EYS: variants seen among roughly 807,000 people sequenced by gnomAD.
The protein encoded by EYS is EGF-like photoreceptor maintenance factor.
In EYS, 250 loss-of-function variants were observed where a neutral mutation model predicts 282.1. That is an observed-to-expected ratio of 0.89 (90% confidence interval 0.80 to 0.98). The LOEUF (loss-of-function observed/expected upper bound fraction) is 0.98. Ranked by LOEUF, EYS falls within the 50% of genes least tolerant of loss-of-function variation. The probability of loss-of-function intolerance (pLI) is 0.00; values close to 1 mark genes in which losing one functional copy is unlikely to be tolerated. For synonymous variants in EYS, 1,355 were observed against 1,282.9 expected (o/e 1.06, Z -1.20); for missense variants, 4,016 against 3,709.0 (o/e 1.08, Z -2.15).
chr6:64,448,780 C>A (rs1043465066), intron 26 of EYS, among the ~76,000 whole-genome samples: 17 of 152,170 alleles, frequency 1.1e-4, no homozygotes, highest in African/African-American at 4.1e-4. Context: ...CTCCAACAGA[C>A]CTGCAGCTGA....
At chr6:64,626,396 G>T (rs1343914266) in intron 22 of EYS, among the ~76,000 whole-genome samples, 151 bp from the exon 23 acceptor site, 1 of 152,148 alleles carries the variant, frequency 6.6e-6, no homozygotes, top group African/African-American at 2.4e-5. Context: ...GAGTTGAATT[G>T]TGGCCCCAAA....
intron 33 of EYS, among the ~76,000 whole-genome samples, chr6:64,018,094 C>T (rs1387362643): frequency 3.3e-5 from 5 of 151,886 alleles, no homozygotes; most frequent in South Asian, 2.1e-4. Flanking sequence ...TGAGAAAAGA[C>T]GTGGAATACA....
At chr6:64,464,816 T>C (rs1041070406) in intron 26 of EYS, among the ~76,000 whole-genome samples, 1 of 152,034 alleles carries the variant, frequency 6.6e-6, no homozygotes, top group African/African-American at 2.4e-5. Flanking sequence ...ATATTTCATC[T>C]TGGTTCACAA....
At chr6:64,416,784 C>A (rs1774070736) in intron 28 of EYS, among the ~76,000 whole-genome samples, 1 of 152,094 alleles carries the variant, frequency 6.6e-6, no homozygotes, top group African/African-American at 2.4e-5. Flanking sequence ...AAATATTACT[C>A]AGCATAATAT....
chr6:63,759,745 T>C (rs894044950), intron 41 of EYS, among the ~76,000 whole-genome samples: 1 of 152,076 alleles, frequency 6.6e-6, no homozygotes, highest in African/African-American at 2.4e-5. Context: ...CAAATACACC[T>C]GAAAAACAAG....
chr6:65,301,320 C>T (rs1322117108), intron 11 of EYS, among the ~76,000 whole-genome samples: 3 of 152,174 alleles, frequency 2.0e-5, no homozygotes, highest in African/African-American at 7.2e-5. Flanking sequence ...ACGGTGAAAC[C>T]CCGTCTCTAC....
chr6:64,349,030 A>G (rs1250089706), intron 29 of EYS, among the ~76,000 whole-genome samples: 1 of 151,422 alleles, frequency 6.6e-6, no homozygotes, highest in East Asian at 2.0e-4. Flanking sequence ...TGAATACAGT[A>G]TTCCATGTCT....
At chr6:65,541,745 T>G (rs977831954) in intron 2 of EYS, among the ~76,000 whole-genome samples, 2 of 152,036 alleles carry the variant, frequency 1.3e-5, no homozygotes, top group African/African-American at 4.8e-5. Flanking sequence ...TGGTCAGATC[T>G]TGTATGCTGC....
chr6:64,525,830 A>G lies in EYS; in HGVS notation c.5644+64393T>C, dbSNP rs1025644400. 5.3e-5 allele frequency among the ~76,000 whole-genome samples: 8 copies of G among 151,788 alleles called. No homozygotes were observed. The East Asian group carries it at 1.5e-3, about 29-fold the overall frequency. Reference sequence around the variant, plus strand: ...TTGCCAATTTCTTAAAAAACTAACCATGCAACTACCATATGATCCAGAAAT... The same window carrying G: ...TTGCCAATTTCTTAAAAAACTAACCGTGCAACTACCATATGATCCAGAAAT... On this transcript the variant is annotated intron_variant, in intron 26 of 42. Transcript: ENST00000503581.
intron 5 of EYS, among the ~76,000 whole-genome samples, chr6:65,445,649 AC>A (rs2150397644): frequency 6.6e-6 from 1 of 151,928 alleles, no homozygotes; most frequent in South Asian, 2.1e-4. Flanking sequence ...TAAGATGTGT[AC>A]TAAGACACAG....
intron 5 of EYS, among the ~76,000 whole-genome samples, chr6:65,477,063 T>C (rs1765438945): frequency 6.6e-6 from 1 of 152,222 alleles, no homozygotes; most frequent in Non-Finnish European, 1.5e-5. Flanking sequence ...TGTGCTTTTA[T>C]AGCCAGCTTC....
rs367978510 is a variant in EYS at position 64,766,226 on chromosome 6, C to T, written c.3443+47152G>A. ...TACAGACATGAGCCACTGCACTGGC[C>T]CCTCCCCTTCTCTTCCCTTCCCTGA... On this transcript the variant is annotated intron_variant, in intron 22 of 42. Transcript: ENST00000503581. Among the ~76,000 whole-genome samples the T allele has an allele frequency of 1.8e-4, 27 of 151,752 alleles. No homozygotes were observed. In the East Asian group the frequency reaches 4.0e-3, roughly 22 times the overall value.
chr6:64,765,417 C>T (rs1466030231), intron 22 of EYS, among the ~76,000 whole-genome samples: 2 of 152,180 alleles, frequency 1.3e-5, no homozygotes, highest in Admixed American at 1.3e-4. Context: ...TCTGAGCCCT[C>T]CAAACTGTTC....
chr6:64,970,622 G>A (rs1483169202), intron 14 of EYS, among the ~76,000 whole-genome samples: 1 of 152,106 alleles, frequency 6.6e-6, no homozygotes, highest in Non-Finnish European at 1.5e-5. Context: ...CCAGCAAATT[G>A]TGCATCACAG....
At chr6:64,506,589 C>G (rs550255936) in intron 26 of EYS, among the ~76,000 whole-genome samples, 1 of 152,250 alleles carries the variant, frequency 6.6e-6, no homozygotes, top group South Asian at 2.1e-4. Context: ...TTCAAAGTAG[C>G]TTTACTTCCT....
chr6:65,606,996 A>G (rs2149792973), intron 2 of EYS, among the ~76,000 whole-genome samples: 1 of 151,934 alleles, frequency 6.6e-6, no homozygotes, highest in East Asian at 1.9e-4. Context: ...CTAATCTAAG[A>G]ATGGGAATGA....
At chr6:64,455,611 A>G (rs1043145981) in intron 26 of EYS, among the ~76,000 whole-genome samples, 10 of 151,876 alleles carry the variant, frequency 6.6e-5, no homozygotes, top group African/African-American at 2.4e-4. Context: ...CATGTCCCCA[A>G]TCCTCCCGAC....
At chr6:65,562,007 G>A (rs7349900) in intron 2 of EYS, among the ~76,000 whole-genome samples, 26,017 of 150,582 alleles carry the variant, frequency 0.17, 2,799 homozygotes, top group Middle Eastern at 0.35. Flanking sequence ...AAAATTTTTT[G>A]TATATTATAT....
At chr6:63,776,315 A>C (rs925475240) in intron 40 of EYS, among the ~76,000 whole-genome samples, 1 of 152,172 alleles carries the variant, frequency 6.6e-6, no homozygotes, top group Non-Finnish European at 1.5e-5. Context: ...TACCTCATTA[A>C]AATTATTTGC....
Sources: allele counts gnomAD v4.1 joint callset (sites outside exome capture counted in the v4.1 genomes callset), GRCh38; gene constraint gnomAD v4.1.1; transcripts MANE v1.5; gene names NCBI Gene and HGNC (gene_info 2026-07-23, HGNC 2026-07-21).